The following PEX14 variants were observed in gnomAD, a reference collection of about 807,000 sequenced individuals.
PEX14 encodes the protein peroxisomal biogenesis factor 14, also known as peroxisomal membrane protein PEX14.
In PEX14, 15 loss-of-function variants were observed where a neutral mutation model predicts 49.5. The observed-to-expected ratio is 0.30, with a 90% CI of 0.20 to 0.47. The LOEUF (loss-of-function observed/expected upper bound fraction) is 0.47. Among genes scored for constraint, PEX14 ranks in the 20% least tolerant of loss-of-function variants. The pLI, the probability that PEX14 is intolerant of heterozygous loss-of-function variation, is 1.00. For synonymous variants in PEX14, 210 were observed against 212.7 expected (o/e 0.99, Z 0.11); for missense variants, 398 against 494.8 (o/e 0.80, Z 1.86).
intron 1 of PEX14, among the ~76,000 whole-genome samples, chr1:10,475,737 TAAG>T (rs1424724435): frequency 6.6e-6 from 1 of 152,100 alleles, no homozygotes; most frequent in African/African-American, 2.4e-5. Context: ...CAGTGGATGA[TAAG>T]GTCTCCGAAG....
intron 3 of PEX14, 190 bp downstream of exon 3, chr1:10,536,487 A>T: frequency 1.6e-6 from 1 of 618,940 alleles, no homozygotes; most frequent in East Asian, 2.8e-5. Context: ...GAGCGGCAAG[A>T]TGACACGATT....
chr1:10,565,522 CAGTT>C (rs1403559303), intron 3 of PEX14, among the ~76,000 whole-genome samples: 1 of 152,180 alleles, frequency 6.6e-6, no homozygotes, highest in African/African-American at 2.4e-5. Flanking sequence ...TATTTCATCT[CAGTT>C]AGACGCAGAA....
rs533332751 is a variant in PEX14 at position 10,560,179 on chromosome 1, T to A, written c.169+23882T>A. 5.5e-4 allele frequency among the ~76,000 whole-genome samples: 84 copies of A among 152,084 alleles called. 1 individual carries two copies. Among genetic ancestry groups the A allele is most frequent in the African/African-American group, 1.9e-3 (77 of 41,454 alleles). On this transcript the variant is annotated intron_variant, in intron 3 of 8. Transcript: ENST00000356607. ...TTCAAGCAATTCTCCTGCCTCAGCC[T>A]CCCGAGTAGCTGGGATTACAGGCGC... is the stretch of plus-strand genomic sequence containing the variant.
At chr1:10,511,788 G>C (rs138453744) in intron 2 of PEX14, among the ~76,000 whole-genome samples, 367 of 152,138 alleles carry the variant, frequency 2.4e-3, no homozygotes, top group African/African-American at 8.3e-3. Flanking sequence ...TGACTTCTGT[G>C]GTCTCTGGGA....
At chr1:10,618,450 C>T (rs777361289) in intron 5 of PEX14, 33 bp downstream of exon 5, 21 of 1,494,504 alleles carry the variant, frequency 1.4e-5, no homozygotes, top group Middle Eastern at 1.7e-4. Context: ...AGGTGCTGTG[C>T]CCCTGCCACC....
chr1:10,615,449 G>C (rs554243548), intron 4 of PEX14, among the ~76,000 whole-genome samples: 3 of 152,342 alleles, frequency 2.0e-5, no homozygotes, highest in African/African-American at 7.2e-5. Flanking sequence ...ATTAGAACTA[G>C]AGTGAACTTC....
Position 10,485,933 on chromosome 1 carries a change from T to TA in PEX14, c.37-9341_37-9340insA, listed in dbSNP as rs1479638185. Reference sequence around the variant, plus strand: ...ACCACGCCTGGCTAATTTTTTTGTATTTTTAGTAGAGACGGGGTTTCACCA... The same window carrying TA: ...ACCACGCCTGGCTAATTTTTTTGTATATTTTAGTAGAGACGGGGTTTCACCA... On this transcript the variant is annotated intron_variant, in intron 1 of 8. Coordinates refer to ENST00000356607, the MANE Select transcript of PEX14 (RefSeq NM_004565.3). Among the ~76,000 whole-genome samples the TA allele has an allele frequency of 2.5e-3, 371 of 149,528 alleles. 1 individual carries two copies. The highest frequency in any genetic ancestry group is 8.0e-3 in the African/African-American group (313 of 39,238).
rs597438 is a variant in PEX14, at chr1:10,494,448, A to G, written c.37-826A>G. Reference sequence around the variant, plus strand: ...AGCTCACTTAGCAGCATACCTGCTTACTTTATTCTTTTGGAGATTTGTAAA... The same window carrying G: ...AGCTCACTTAGCAGCATACCTGCTTGCTTTATTCTTTTGGAGATTTGTAAA... On this transcript the variant is annotated intron_variant, in intron 1 of 8. Transcript: ENST00000356607. The surrounding 1 kb of genome is among the most constrained non-coding windows in gnomAD (Gnocchi z 4.3). Among the ~76,000 whole-genome samples, 113,557 of 152,190 alleles carry G rather than the reference A, an allele frequency of 0.75. 42,744 individuals are homozygous for G. Among genetic ancestry groups the G allele is most frequent in the African/African-American group, 0.86 (35,544 of 41,530 alleles).
chr1:10,528,295 C>T lies in PEX14; in HGVS notation c.85-7918C>T, dbSNP rs773688672. The T allele has an allele frequency of 2.3e-5, 23 of 983,312 alleles. No homozygotes were observed. In the Middle Eastern group the frequency reaches 1.5e-3, roughly 66 times the overall value. 60.9% of individuals were successfully genotyped at this position (983,312 alleles called of 1,614,324 possible). A position where few individuals can be genotyped will look rare whatever the true frequency, so the allele number is the denominator to read the frequency against. ...AGAGCTTCACCAATCTCCATCTGGC[C>T]GAACTTCAAAAGAAGTGGAAGCTGA... On this transcript the variant is annotated intron_variant, in intron 2 of 8. Transcript: ENST00000356607.
At chr1:10,570,356 C>T (rs1037520013) in intron 3 of PEX14, among the ~76,000 whole-genome samples, 1 of 151,882 alleles carries the variant, frequency 6.6e-6, no homozygotes, top group Non-Finnish European at 1.5e-5. Flanking sequence ...TTTTTTGAGA[C>T]GTGGTCTTGC....
Position 10,623,167 on chromosome 1 carries a change from A to C in PEX14, c.487+46A>C. On this transcript the variant is annotated intron_variant, in intron 6 of 8. Coordinates refer to ENST00000356607, the MANE Select transcript of PEX14 (RefSeq NM_004565.3). The surrounding 1 kb of genome is among the most constrained non-coding windows in gnomAD (Gnocchi z 4.4). The stretch of plus-strand genomic sequence containing the variant: ...CAAGTCACCCCTCACAGCCTTCTCC[A>C]AGCAGCCCCTTCTCTGCCCCTCCCC... The C allele has an allele frequency of 2.3e-6, 3 of 1,297,256 alleles. No individual in the cohort carries two copies. Among genetic ancestry groups the C allele is most frequent in the South Asian group, 1.2e-5 (1 of 81,790 alleles). The allele number at this position is 1,297,256 out of a possible 1,614,324, so 80.4% of individuals were successfully genotyped here. A position where few individuals can be genotyped will look rare whatever the true frequency, so the allele number is the denominator to read the frequency against.
intron 3 of PEX14, among the ~76,000 whole-genome samples, chr1:10,583,201 T>G (rs1474693209): frequency 1.3e-5 from 2 of 151,344 alleles, no homozygotes; most frequent in African/African-American, 4.9e-5. Flanking sequence ...TATTGGGGTT[T>G]CCGTTTATTT....
chr1:10,622,101 C>A (rs1026572107), intron 5 of PEX14, among the ~76,000 whole-genome samples: 10 of 152,128 alleles, frequency 6.6e-5, no homozygotes, highest in African/African-American at 2.4e-4. Flanking sequence ...GCTGTCCCTG[C>A]AGGCCCCACC....
At chr1:10,488,578 C>A (rs931117284) in intron 1 of PEX14, among the ~76,000 whole-genome samples, 3 of 152,046 alleles carry the variant, frequency 2.0e-5, no homozygotes, top group Admixed American at 1.3e-4. Context: ...CGGTTCACTG[C>A]AAGCTCTGCC....
At chr1:10,582,479 A>G (rs1640349193) in intron 3 of PEX14, among the ~76,000 whole-genome samples, 1 of 152,178 alleles carries the variant, frequency 6.6e-6, no homozygotes, top group Non-Finnish European at 1.5e-5. Flanking sequence ...TATTGTCTAG[A>G]TAGTAATTGC....
chr1:10,570,849 T>TTTGTTTG (rs1491410776), intron 3 of PEX14, among the ~76,000 whole-genome samples: 21 of 22,740 alleles, frequency 9.2e-4, no homozygotes, highest in Admixed American at 3.5e-3. Context: ...GTCAACAGGG[T>TTTGTTTG]TTTTTTTTTT....
chr1:10,616,580 C>A (rs932336679), intron 4 of PEX14, among the ~76,000 whole-genome samples: 1 of 152,186 alleles, frequency 6.6e-6, no homozygotes, highest in African/African-American at 2.4e-5. Context: ...TGTGTCCCAC[C>A]CACGCCCCTC....
chr1:10,520,553 G>C (rs551491837), intron 2 of PEX14, among the ~76,000 whole-genome samples: 1 of 152,092 alleles, frequency 6.6e-6, no homozygotes, highest in Non-Finnish European at 1.5e-5. Flanking sequence ...ACATGTAGGG[G>C]CTACACGTAG....
At chr1:10,594,761 A>T (rs1640787348) in intron 3 of PEX14, among the ~76,000 whole-genome samples, 1 of 152,178 alleles carries the variant, frequency 6.6e-6, no homozygotes, top group Non-Finnish European at 1.5e-5. Flanking sequence ...CAGAGAAAAG[A>T]CAGCCCTTCC....
Sources: allele counts gnomAD v4.1 joint callset (sites outside exome capture counted in the v4.1 genomes callset), GRCh38; gene constraint gnomAD v4.1.1; non-coding constraint Gnocchi (gnomAD v3.1); transcripts MANE v1.5; gene names NCBI Gene and HGNC (gene_info 2026-07-23, HGNC 2026-07-21).